DIAPH2: variants seen among roughly 807,000 people sequenced by gnomAD.
The protein encoded by DIAPH2 is diaphanous related formin 2, also known as protein diaphanous homolog 2.
DIAPH2 carries 35 observed loss-of-function variants against 92.7 expected under a neutral mutation model. That is an observed-to-expected ratio of 0.38 (90% confidence interval 0.29 to 0.50). DIAPH2 has a LOEUF of 0.50. DIAPH2 is among the 20% of genes least tolerant of loss of function. The pLI is 0.94. For missense variants in DIAPH2, 701 were observed against 819.5 expected (o/e 0.86, Z 1.77); for synonymous variants, 301 against 280.4 (o/e 1.07, Z -0.73).
intron 19 of DIAPH2, among the ~76,000 whole-genome samples, chrX:97,084,488 G>C (rs759614648): frequency 1.1e-4 from 12 of 110,967 alleles, no homozygotes; most frequent in Non-Finnish European, 1.9e-4. Flanking sequence ...TTATCAGCAG[G>C]GTGATAATTC....
intron 5 of DIAPH2, among the ~76,000 whole-genome samples, chrX:96,906,423 G>A (rs190048763): frequency 3.4e-3 from 384 of 112,178 alleles, no homozygotes; most frequent in Non-Finnish European, 6.0e-3. Context: ...CTGCATTTTG[G>A]ACTAGAAGAT....
At chrX:96,960,182 T>C (rs1192522840) in intron 16 of DIAPH2, among the ~76,000 whole-genome samples, 2 of 111,577 alleles carry the variant, frequency 1.8e-5, no homozygotes, top group Non-Finnish European at 3.8e-5. Flanking sequence ...GCATTGAATC[T>C]GTAGATTGCT....
chrX:96,933,770 AT>A (rs757624722), intron 10 of DIAPH2, among the ~76,000 whole-genome samples: 27,862 of 77,523 alleles, frequency 0.36, 4,519 homozygotes, highest in South Asian at 0.48. Context: ...TGCCCGGCTA[AT>A]TTTTTTTTTT....
chrX:96,817,539 A>G (rs2064745696), intron 4 of DIAPH2, among the ~76,000 whole-genome samples: 1 of 111,563 alleles, frequency 9.0e-6, no homozygotes, highest in Non-Finnish European at 1.9e-5. Flanking sequence ...GGGCTGCTAT[A>G]ACAAAGTTAT....
chrX:97,094,513 G>C (rs1048979740), intron 19 of DIAPH2, among the ~76,000 whole-genome samples: 1 of 111,926 alleles, frequency 8.9e-6, no homozygotes, highest in African/African-American at 3.2e-5. Context: ...TGCATGTTGA[G>C]GGATTGAAAT....
chrX:97,148,342 A>C (rs2067261084), intron 22 of DIAPH2, among the ~76,000 whole-genome samples: 3 of 112,123 alleles, frequency 2.7e-5, no homozygotes, highest in African/African-American at 9.7e-5. Context: ...AACTTACTGG[A>C]AGTATAAATG....
intron 4 of DIAPH2, among the ~76,000 whole-genome samples, chrX:96,881,218 G>A (rs2065210696): frequency 9.0e-6 from 1 of 111,199 alleles, no homozygotes; most frequent in East Asian, 2.8e-4. Context: ...TCTTAACTAG[G>A]AAAATTAATA....
intron 23 of DIAPH2, among the ~76,000 whole-genome samples, chrX:97,278,103 C>A (rs1332646172): frequency 8.9e-6 from 1 of 112,114 alleles, no homozygotes; most frequent in Non-Finnish European, 1.9e-5. Flanking sequence ...CTCGGCCTCC[C>A]AAAGTGCTGG....
At chrX:97,030,322 GT>G (rs2066364852) in intron 17 of DIAPH2, among the ~76,000 whole-genome samples, 1 of 111,245 alleles carries the variant, frequency 9.0e-6, no homozygotes, top group South Asian at 3.8e-4. Context: ...AAATAATTGG[GT>G]ACTGGAGAGA....
intron 26 of DIAPH2, among the ~76,000 whole-genome samples, chrX:97,443,961 A>G (rs1420720909): frequency 8.9e-6 from 1 of 112,242 alleles, no homozygotes; most frequent in Non-Finnish European, 1.9e-5. Context: ...AAATACTGTG[A>G]TGCTCTATAA....
intron 21 of DIAPH2, among the ~76,000 whole-genome samples, chrX:97,137,608 GT>G (rs2147404773): frequency 9.1e-6 from 1 of 110,133 alleles, no homozygotes; most frequent in Admixed American, 9.8e-5. Context: ...ATGTGAGTAG[GT>G]ATTTTCTTGG....
intron 9 of DIAPH2, among the ~76,000 whole-genome samples, chrX:96,923,016 A>G (rs1323545704): frequency 9.0e-6 from 1 of 111,593 alleles, no homozygotes; most frequent in Non-Finnish European, 1.9e-5. Context: ...CACTTCATAA[A>G]AAACAGTGAG....
intron 24 of DIAPH2, among the ~76,000 whole-genome samples, chrX:97,381,835 A>G (rs780918207): frequency 1.8e-5 from 2 of 112,392 alleles, no homozygotes; most frequent in Non-Finnish European, 3.8e-5. Context: ...CTCCTGGTAC[A>G]TAATAGATTT....
intron 5 of DIAPH2, among the ~76,000 whole-genome samples, chrX:96,893,744 C>T (rs1406945631): frequency 8.9e-6 from 1 of 112,307 alleles, no homozygotes; most frequent in African/African-American, 3.2e-5. Flanking sequence ...TGTCTATCAT[C>T]TCAGCTGGAC....
rs954311843 is a variant in DIAPH2 at position 96,784,030 on chromosome X, C to T, written c.447+25772C>T. ...AAAAATAGATGCATTGGAATGGATACTCTGATCTCCCCAGAATATTTTATT... is the reference window on the plus strand; with the variant it reads ...AAAAATAGATGCATTGGAATGGATATTCTGATCTCCCCAGAATATTTTATT... On this transcript the variant is annotated intron_variant, in intron 4 of 26. Transcript: ENST00000324765. Among the ~76,000 whole-genome samples the T allele has an allele frequency of 2.7e-5, 3 of 111,903 alleles. No homozygotes were observed. The South Asian group carries it at 1.1e-3, about 42-fold the overall frequency.
chrX:97,227,381 T>A (rs1269469260), intron 22 of DIAPH2, among the ~76,000 whole-genome samples: 1 of 112,247 alleles, frequency 8.9e-6, no homozygotes, highest in Non-Finnish European at 1.9e-5. Context: ...CTTCACATAG[T>A]TTATTCTTAG....
chrX:96,806,152 G>A (rs1040641204), intron 4 of DIAPH2, among the ~76,000 whole-genome samples: 1 of 111,478 alleles, frequency 9.0e-6, no homozygotes, highest in African/African-American at 3.3e-5. Flanking sequence ...GATGTTTGGT[G>A]ATTATTCTAT....
chrX:96,949,687 C>CAAAA (rs1167294262), intron 15 of DIAPH2, among the ~76,000 whole-genome samples: 2 of 40,334 alleles, frequency 5.0e-5, no homozygotes, highest in African/African-American at 1.1e-4. Context: ...ACTAAAAATA[C>CAAAA]AAAAAAAAAA....
At chrX:97,038,381 G>A (rs1452272045) in intron 17 of DIAPH2, among the ~76,000 whole-genome samples, 1 of 111,453 alleles carries the variant, frequency 9.0e-6, no homozygotes, top group African/African-American at 3.3e-5. Flanking sequence ...ATATCCAGTA[G>A]TAGGATTGTT....
Sources: gnomAD v4.1 joint callset for allele counts (sites outside exome capture counted in the v4.1 genomes callset) on GRCh38, gnomAD v4.1.1 for gene constraint, MANE v1.5 for transcripts, NCBI Gene and HGNC (gene_info 2026-07-23, HGNC 2026-07-21) for gene names.